SSBP2: variants seen among roughly 807,000 people sequenced by gnomAD.
SSBP2 encodes single-stranded DNA-binding protein 2.
In SSBP2, 17 loss-of-function variants were observed where a neutral mutation model predicts 61.8. That is an observed-to-expected ratio of 0.28 (90% CI 0.19 to 0.41). The LOEUF is 0.41. SSBP2 is among the 10% of genes least tolerant of loss of function. SSBP2 has a pLI of 1.00. For missense variants in SSBP2, 310 were observed against 458.7 expected (o/e 0.68, Z 2.96); for synonymous variants, 139 against 141.3 (o/e 0.98, Z 0.12).
chr5:81,589,473 T>G (rs1029791488), intron 4 of SSBP2, among the ~76,000 whole-genome samples: 1 of 152,234 alleles, frequency 6.6e-6, no homozygotes, highest in Non-Finnish European at 1.5e-5. Context: ...CCAAAAAGTA[T>G]GCAGTGAAAA....
chr5:81,579,461 A>G (rs903533579), intron 4 of SSBP2, among the ~76,000 whole-genome samples: 1 of 152,088 alleles, frequency 6.6e-6, no homozygotes, highest in African/African-American at 2.4e-5. Context: ...TCTAAGTGCT[A>G]AGGTCTAAGA....
chr5:81,697,995 T>G (rs1220011560), intron 1 of SSBP2, among the ~76,000 whole-genome samples: 1 of 152,196 alleles, frequency 6.6e-6, no homozygotes, highest in African/African-American at 2.4e-5. Flanking sequence ...GTGTTTTATA[T>G]CCCAACTAAT....
At chr5:81,650,064 G>C (rs1373760697) in intron 2 of SSBP2, among the ~76,000 whole-genome samples, 1 of 151,970 alleles carries the variant, frequency 6.6e-6, no homozygotes, top group African/African-American at 2.4e-5. Context: ...TGGCTGGAAA[G>C]GTGACTAGAA....
chr5:81,575,420 G>T (rs1183255334), intron 4 of SSBP2, among the ~76,000 whole-genome samples: 1 of 152,106 alleles, frequency 6.6e-6, no homozygotes, highest in Admixed American at 6.6e-5. Flanking sequence ...AAAGTAGAAG[G>T]TTCTTTCATA....
chr5:81,589,127 T>C (rs182178023), intron 4 of SSBP2, among the ~76,000 whole-genome samples: 1 of 152,146 alleles, frequency 6.6e-6, no homozygotes, highest in East Asian at 1.9e-4. Flanking sequence ...TCCAACGTAC[T>C]TACTAGAAAC....
chr5:81,615,699 C>T, intron 3 of SSBP2, 142 bp from the exon 4 acceptor site: 2 of 577,230 alleles, frequency 3.5e-6, no homozygotes, highest in Admixed American at 3.3e-5. Flanking sequence ...GACTTAAACG[C>T]AAGCAAGGCT....
At chr5:81,697,922 T>A (rs192754430) in intron 1 of SSBP2, among the ~76,000 whole-genome samples, 271 of 152,312 alleles carry the variant, frequency 1.8e-3, no homozygotes, top group South Asian at 2.9e-3. Flanking sequence ...ATTATCTGCC[T>A]CTATGGTAAA....
chr5:81,437,543 T>A (rs1480877858), intron 14 of SSBP2, 85 bp from the exon 15 acceptor site: 3 of 1,224,600 alleles, frequency 2.4e-6, no homozygotes, highest in Non-Finnish European at 3.5e-6. Context: ...ATAAGTGAAG[T>A]ATACTATATG....
rs78496909 is a variant in SSBP2, at chr5:81,591,116, G to A, written c.282+24357C>T. On this transcript the variant is annotated intron_variant, in intron 4 of 16. Transcript: ENST00000320672. ...CTCTTCAGAAGCAAATCAAGAAGCC[G>A]GAGTTGAAGGCAGACCACAGATTGA... 3.9e-3 allele frequency among the ~76,000 whole-genome samples: 601 copies of A among 152,264 alleles called. 3 individuals are homozygous for A. The highest frequency in any genetic ancestry group is 0.014 in the African/African-American group (586 of 41,538).
intron 1 of SSBP2, among the ~76,000 whole-genome samples, chr5:81,732,859 G>A (rs919301353): frequency 5.3e-5 from 8 of 152,086 alleles, no homozygotes; most frequent in Admixed American, 3.3e-4. Context: ...CCCCTCACCC[G>A]CTGCTCAGCT....
At chr5:81,660,667 A>T (rs1017976475) in intron 1 of SSBP2, among the ~76,000 whole-genome samples, 1 of 152,232 alleles carries the variant, frequency 6.6e-6, no homozygotes, top group African/African-American at 2.4e-5. Context: ...GTATATACCC[A>T]AAGAATTATA....
At chr5:81,698,964 G>T (rs1188884351) in intron 1 of SSBP2, among the ~76,000 whole-genome samples, 1 of 152,112 alleles carries the variant, frequency 6.6e-6, no homozygotes, top group Non-Finnish European at 1.5e-5. Context: ...TATACTGTGG[G>T]TTCAGTTCCA....
chr5:81,507,692 G>A (rs1474482547), intron 5 of SSBP2, among the ~76,000 whole-genome samples: 1 of 151,980 alleles, frequency 6.6e-6, no homozygotes, highest in African/African-American at 2.4e-5. Flanking sequence ...AGAACATAAA[G>A]TAGGAAAAAG....
At chr5:81,433,087 A>G (rs1398615924) in intron 15 of SSBP2, among the ~76,000 whole-genome samples, 9 of 151,882 alleles carry the variant, frequency 5.9e-5, no homozygotes, top group South Asian at 2.1e-4. Context: ...CTGCCTGGCC[A>G]CCACCCCGTC....
intron 1 of SSBP2, among the ~76,000 whole-genome samples, chr5:81,737,294 TAAAAA>T (rs5869085): frequency 1.4e-4 from 19 of 139,042 alleles, no homozygotes; most frequent in African/African-American, 2.1e-4. Context: ...TTCTCCAAGT[TAAAAA>T]AAAAAAAAAA....
chr5:81,575,297 G>A (rs1334155331), intron 4 of SSBP2, among the ~76,000 whole-genome samples: 2 of 152,090 alleles, frequency 1.3e-5, no homozygotes, highest in African/African-American at 2.4e-5. Context: ...CAGAGGTGCA[G>A]GAAGAAACGT....
At chr5:81,641,950 C>T (rs1581233575) in intron 2 of SSBP2, among the ~76,000 whole-genome samples, 1 of 151,916 alleles carries the variant, frequency 6.6e-6, no homozygotes, top group Non-Finnish European at 1.5e-5. Context: ...TGTATACATA[C>T]ATATGTGTGC....
At chr5:81,715,968 A>G (rs1348955324) in intron 1 of SSBP2, among the ~76,000 whole-genome samples, 1 of 152,036 alleles carries the variant, frequency 6.6e-6, no homozygotes, top group African/African-American at 2.4e-5. Flanking sequence ...TGAGGCGGGA[A>G]GATCACTGTG....
chr5:81,500,725 C>T (rs1054241664), intron 5 of SSBP2, among the ~76,000 whole-genome samples: 1 of 151,982 alleles, frequency 6.6e-6, no homozygotes, highest in Non-Finnish European at 1.5e-5. Flanking sequence ...TCCCAAAGTA[C>T]TGGGATTACA....
Sources: gnomAD v4.1 joint callset for allele counts (sites outside exome capture counted in the v4.1 genomes callset) on GRCh38, gnomAD v4.1.1 for gene constraint, MANE v1.5 for transcripts, NCBI Gene and HGNC (gene_info 2026-07-23, HGNC 2026-07-21) for gene names.